The following SEMA3E variants were observed in gnomAD, a reference collection of about 807,000 sequenced individuals.
SEMA3E encodes semaphorin 3E, also known as semaphorin-3E.
A neutral mutation model predicts 93.6 loss-of-function variants in SEMA3E; 49 were observed. That is an observed-to-expected ratio of 0.52 (90% CI 0.42 to 0.66). The LOEUF (loss-of-function observed/expected upper bound fraction) is 0.66. SEMA3E is among the 30% of genes least tolerant of loss of function. The pLI is 0.00. For missense variants in SEMA3E, 906 were observed against 964.8 expected (o/e 0.94, Z 0.81); for synonymous variants, 363 against 330.7 (o/e 1.10, Z -1.06).
chr7:83,621,423 A>G (rs1793553664), intron 1 of SEMA3E, among the ~76,000 whole-genome samples: 1 of 152,180 alleles, frequency 6.6e-6, no homozygotes, highest in Non-Finnish European at 1.5e-5. Context: ...ATACTGCCCA[A>G]AGTAATTTGT....
rs745894522 is a variant in SEMA3E at position 83,365,529 on chromosome 7, C to T, written c.*2057G>A. The stretch of plus-strand genomic sequence containing the variant: ...TAATAGTCACTTTATTTTAATCAAA[C>T]GCTCTTCAGTATATGGACTTCTTAT... On this transcript the variant is annotated 3_prime_UTR_variant, in exon 17 of 17. Transcript: ENST00000643230. 1.5e-4 allele frequency: 23 copies of T among 152,194 alleles called. No homozygotes were observed. Among genetic ancestry groups the T allele is most frequent in the South Asian group, 6.2e-4 (3 of 4,826 alleles). 9.4% of individuals were successfully genotyped at this position (152,194 alleles called of 1,614,324 possible).
At chr7:83,576,561 G>C (rs1340901349) in intron 1 of SEMA3E, among the ~76,000 whole-genome samples, 1 of 152,042 alleles carries the variant, frequency 6.6e-6, no homozygotes, top group African/African-American at 2.4e-5. Flanking sequence ...TATCCAAGAT[G>C]AATGTGTAAA....
At chr7:83,598,025 T>C (rs1221180793) in intron 1 of SEMA3E, among the ~76,000 whole-genome samples, 1 of 152,342 alleles carries the variant, frequency 6.6e-6, no homozygotes, top group East Asian at 1.9e-4. Flanking sequence ...TTCGAAGGCA[T>C]TGCAACTAAC....
chr7:83,573,171 G>C (rs1792322113), intron 1 of SEMA3E, among the ~76,000 whole-genome samples: 1 of 152,048 alleles, frequency 6.6e-6, no homozygotes, highest in African/African-American at 2.4e-5. Flanking sequence ...CTGATATCCA[G>C]AATCTATAAG....
In SEMA3E at chr7:83,611,879, G is replaced by C. The variant is rs200879842; in HGVS notation, c.115+36549C>G. Among the ~76,000 whole-genome samples the C allele has an allele frequency of 3.9e-5, 6 of 152,056 alleles. No individual in the cohort carries two copies. The East Asian group carries it at 9.7e-4, about 24-fold the overall frequency. ...TTCCTCACTTCAAAACTCTTTAATG[G>C]CTTTCCATCATACAGCTTATGTCTT... On this transcript the variant is annotated intron_variant, in intron 1 of 16. Transcript: ENST00000643230.
intron 1 of SEMA3E, among the ~76,000 whole-genome samples, chr7:83,501,012 A>G (rs1790587530): frequency 6.6e-6 from 1 of 152,172 alleles, no homozygotes; most frequent in Non-Finnish European, 1.5e-5. Context: ...TTTTACAGCA[A>G]TATTTTAAAA....
At position 83,423,633 on chromosome 7, in the gene SEMA3E, A is replaced by G. The variant is rs377618323; in HGVS notation, c.457-5150T>C. Among the ~76,000 whole-genome samples the G allele has an allele frequency of 3.3e-4, 50 of 150,774 alleles. 1 individual carries two copies. Among genetic ancestry groups the G allele is most frequent in the African/African-American group, 1.2e-3 (48 of 41,050 alleles). ...ATTCTCCTGCCTCAGCCTCCCGAGT[A>G]GCTGGGACTACAGACGCCCACCACC... On this transcript the variant is annotated intron_variant, in intron 4 of 16. Coordinates refer to ENST00000643230, the MANE Select transcript of SEMA3E (RefSeq NM_012431.3).
At chr7:83,520,130 G>A (rs189112346) in intron 1 of SEMA3E, among the ~76,000 whole-genome samples, 1 of 152,220 alleles carries the variant, frequency 6.6e-6, no homozygotes, top group African/African-American at 2.4e-5. Context: ...TGATATCTCT[G>A]TTCTCTGTAA....
chr7:83,446,399 A>G (rs73393323), intron 4 of SEMA3E, among the ~76,000 whole-genome samples: 4,361 of 152,322 alleles, frequency 0.029, 232 homozygotes, highest in African/African-American at 0.099. Context: ...ACCAAGGCCA[A>G]TGAATTATAA....
intron 1 of SEMA3E, among the ~76,000 whole-genome samples, chr7:83,626,131 A>G (rs1793663252): frequency 6.6e-6 from 1 of 152,180 alleles, no homozygotes; most frequent in African/African-American, 2.4e-5. Flanking sequence ...AGATTTTCAC[A>G]TCAATGTTCA....
chr7:83,387,840 TTA>T (rs200545027), intron 14 of SEMA3E, among the ~76,000 whole-genome samples: 17,084 of 145,584 alleles, frequency 0.12, 1,050 homozygotes, highest in East Asian at 0.14. Context: ...ATATATAACG[TTA>T]TATATATGTT....
At chr7:83,548,510 A>AT (rs1351863830) in intron 1 of SEMA3E, among the ~76,000 whole-genome samples, 1 of 151,940 alleles carries the variant, frequency 6.6e-6, no homozygotes, top group Non-Finnish European at 1.5e-5. Flanking sequence ...CATTATTGAG[A>AT]TTTTTTTCCC....
At chr7:83,418,570 T>C in intron 4 of SEMA3E, 87 bp from the exon 5 acceptor site, 1 of 907,260 alleles carries the variant, frequency 1.1e-6, no homozygotes, top group South Asian at 1.4e-5. Context: ...AAACTTCGAT[T>C]ATTTATAAAG....
At chr7:83,453,230 A>G (rs1378874080) in intron 4 of SEMA3E, among the ~76,000 whole-genome samples, 2 of 152,068 alleles carry the variant, frequency 1.3e-5, no homozygotes, top group Non-Finnish European at 2.9e-5. Flanking sequence ...GGGTTTCACC[A>G]CATTGGCGAG....
intron 12 of SEMA3E, among the ~76,000 whole-genome samples, chr7:83,396,308 A>T (rs1463803902): frequency 6.6e-6 from 1 of 151,162 alleles, no homozygotes; most frequent in Non-Finnish European, 1.5e-5. Context: ...ATGAAAATGT[A>T]TTTTTTTTTG....
At chr7:83,580,653 C>T (rs1792500032) in intron 1 of SEMA3E, among the ~76,000 whole-genome samples, 1 of 151,990 alleles carries the variant, frequency 6.6e-6, no homozygotes, top group African/African-American at 2.4e-5. Context: ...AAGAAGTCCT[C>T]CTTGACTTTT....
chr7:83,539,864 T>TGTGTGTGC (rs1554336388), intron 1 of SEMA3E, among the ~76,000 whole-genome samples: 1,779 of 137,042 alleles, frequency 0.013, 29 homozygotes, highest in South Asian at 0.058. Flanking sequence ...TCTGTGTGTG[T>TGTGTGTGC]GTGTGTGTGT....
intron 1 of SEMA3E, among the ~76,000 whole-genome samples, chr7:83,494,318 G>A (rs540219010): frequency 6.6e-6 from 1 of 151,536 alleles, no homozygotes; most frequent in Non-Finnish European, 1.5e-5. Flanking sequence ...TTGCTTAGGA[G>A]CATTATCTAG....
intron 4 of SEMA3E, among the ~76,000 whole-genome samples, chr7:83,455,034 T>C (rs1789453481): frequency 1.3e-5 from 2 of 152,194 alleles, no homozygotes; most frequent in South Asian, 2.1e-4. Context: ...GCCAATACTA[T>C]CCAAATAGCT....
Sources: allele counts gnomAD v4.1 joint callset (sites outside exome capture counted in the v4.1 genomes callset), GRCh38; gene constraint gnomAD v4.1.1; transcripts MANE v1.5; gene names NCBI Gene and HGNC (gene_info 2026-07-23, HGNC 2026-07-21).